VTI1A: variants seen among roughly 807,000 people sequenced by gnomAD.
VTI1A encodes the protein vesicle transport through interaction with t-SNAREs 1A.
A neutral mutation model predicts 34.9 loss-of-function variants in VTI1A; 22 were observed. The ratio of observed to expected loss-of-function variants is 0.63; its 90% CI spans 0.45 to 0.90. The LOEUF is 0.90. Ranked by LOEUF, VTI1A falls within the 40% of genes least tolerant of loss-of-function variation. VTI1A has a pLI of 0.00. For synonymous variants in VTI1A, 87 were observed against 97.3 expected (o/e 0.89, Z 0.62); for missense variants, 268 against 275.6 (o/e 0.97, Z 0.20).
At chr10:112,544,179 T>C (rs980300761) in intron 5 of VTI1A, among the ~76,000 whole-genome samples, 1 of 152,158 alleles carries the variant, frequency 6.6e-6, no homozygotes, top group African/African-American at 2.4e-5. Context: ...TTTGGTTCCA[T>C]ATGAACTTTA....
chr10:112,474,536 G>A (rs1222078975), intron 3 of VTI1A, among the ~76,000 whole-genome samples: 2 of 150,536 alleles, frequency 1.3e-5, no homozygotes, highest in African/African-American at 4.9e-5. Context: ...GATCACAGTA[G>A]CCTTGACCTC....
intron 7 of VTI1A, among the ~76,000 whole-genome samples, chr10:112,795,668 C>A (rs1005556830): frequency 6.6e-6 from 1 of 152,046 alleles, no homozygotes; most frequent in Admixed American, 6.6e-5. Context: ...AACTCCTGAC[C>A]TCAGGTGATC....
rs140964782 is a variant in VTI1A, at chr10:112,629,863, C to T, written c.428-38355C>T. ...CCTCATATGAGCCAAATCTCCTAAA[C>T]ATGCCATATGCCATTCATAAGTCTT... On this transcript the variant is annotated intron_variant, in intron 5 of 7. Transcript: ENST00000393077. Among the ~76,000 whole-genome samples the T allele has an allele frequency of 6.6e-5, 10 of 152,262 alleles. No individual in the cohort carries two copies. In the East Asian group the frequency reaches 1.9e-3, roughly 29 times the overall value.
intron 5 of VTI1A, among the ~76,000 whole-genome samples, chr10:112,568,651 C>T (rs979421390): frequency 3.9e-5 from 6 of 152,168 alleles, no homozygotes; most frequent in Non-Finnish European, 8.8e-5. Flanking sequence ...AATAAGATCC[C>T]CGTCTTATCC....
intron 7 of VTI1A, among the ~76,000 whole-genome samples, chr10:112,778,111 GA>G (rs138178912): frequency 0.026 from 3,876 of 148,650 alleles, 175 homozygotes; most frequent in African/African-American, 0.089. Context: ...TCAAAAAAAG[GA>G]AAAAAAAAAG....
At chr10:112,708,233 A>G (rs775639974) in intron 7 of VTI1A, among the ~76,000 whole-genome samples, 1 of 152,222 alleles carries the variant, frequency 6.6e-6, no homozygotes, top group Non-Finnish European at 1.5e-5. Flanking sequence ...CAGCATGTAT[A>G]TTACTGTAGG....
At chr10:112,740,118 A>C (rs1164821913) in intron 7 of VTI1A, among the ~76,000 whole-genome samples, 1 of 152,066 alleles carries the variant, frequency 6.6e-6, no homozygotes, top group Non-Finnish European at 1.5e-5. Context: ...TAAAGATAAG[A>C]CCTCAACCAT....
At chr10:112,526,989 C>T in intron 3 of VTI1A, 98 bp from the exon 4 acceptor site, 1 of 1,119,642 alleles carries the variant, frequency 8.9e-7, no homozygotes, top group Non-Finnish European at 1.3e-6. Context: ...CATTAGGGGG[C>T]TCTCGAGGTT....
intron 5 of VTI1A, among the ~76,000 whole-genome samples, chr10:112,625,128 GT>G (rs1212745771): frequency 2.0e-5 from 3 of 152,168 alleles, no homozygotes; most frequent in Non-Finnish European, 4.4e-5. Context: ...TTGTAATAAA[GT>G]AAGCGCTGAA....
Position 112,767,544 on chromosome 10 carries a change from C to G in VTI1A, c.561-47746C>G, listed in dbSNP as rs1346430422. Among the ~76,000 whole-genome samples, 1 of 152,140 alleles carries G rather than the reference C, an allele frequency of 6.6e-6. No homozygotes were observed. Among genetic ancestry groups the G allele is most frequent in the East Asian group, 1.9e-4 (1 of 5,188 alleles). On this transcript the variant is annotated intron_variant, in intron 7 of 7. Coordinates refer to ENST00000393077, the MANE Select transcript of VTI1A (RefSeq NM_145206.4). The surrounding 1 kb of genome is among the most constrained non-coding windows in gnomAD (Gnocchi z 4.0). ...AGTGTATTTGTGCTAGTTCTGAAAA[C>G]AGGAGGGCATAAACTAATAACAACA...
intron 3 of VTI1A, among the ~76,000 whole-genome samples, chr10:112,488,858 A>G (rs975129846): frequency 1.3e-5 from 2 of 152,234 alleles, no homozygotes; most frequent in African/African-American, 4.8e-5. Context: ...TAGAAACTAC[A>G]GTATTATATC....
At chr10:112,568,257 A>C (rs1342482857) in intron 5 of VTI1A, among the ~76,000 whole-genome samples, 1 of 152,224 alleles carries the variant, frequency 6.6e-6, no homozygotes, top group African/African-American at 2.4e-5. Context: ...CTGTAATCCC[A>C]GCACTTTGAG....
chr10:112,640,058 T>C (rs533683972), intron 5 of VTI1A, among the ~76,000 whole-genome samples: 1 of 152,308 alleles, frequency 6.6e-6, no homozygotes, highest in African/African-American at 2.4e-5. Flanking sequence ...CATTTGGAGT[T>C]AAAATAGAAA....
intron 3 of VTI1A, among the ~76,000 whole-genome samples, chr10:112,525,562 G>A (rs1224346699): frequency 6.6e-6 from 1 of 152,114 alleles, no homozygotes; most frequent in Non-Finnish European, 1.5e-5. Context: ...AAAAGCAAAG[G>A]AATGTCTAGG....
At chr10:112,718,945 C>A (rs774977703) in intron 7 of VTI1A, among the ~76,000 whole-genome samples, 1 of 152,176 alleles carries the variant, frequency 6.6e-6, no homozygotes, top group Admixed American at 6.5e-5. Flanking sequence ...AACCAGAATT[C>A]TAGGAAAATG....
intron 7 of VTI1A, among the ~76,000 whole-genome samples, chr10:112,776,802 C>T (rs980935772): frequency 1.3e-5 from 2 of 151,912 alleles, no homozygotes; most frequent in East Asian, 1.9e-4. Flanking sequence ...CTCAGCCTCC[C>T]GAGTAGCTGG....
intron 7 of VTI1A, among the ~76,000 whole-genome samples, chr10:112,705,247 G>C (rs75896618): frequency 0.018 from 2,710 of 152,032 alleles, 80 homozygotes; most frequent in African/African-American, 0.062. Flanking sequence ...AGATTCAGAG[G>C]GTTAGAATCA....
intron 7 of VTI1A, chr10:112,737,078 C>CT (rs903794612): frequency 0.046 from 13,502 of 295,814 alleles, 6 homozygotes; most frequent in South Asian, 0.069. Flanking sequence ...TTTTCTTTTT[C>CT]TTTTTTTTTT....
chr10:112,474,248 G>C (rs1848202164), intron 3 of VTI1A, among the ~76,000 whole-genome samples: 1 of 151,734 alleles, frequency 6.6e-6, no homozygotes, highest in Non-Finnish European at 1.5e-5. Flanking sequence ...TGTATTTTTA[G>C]TAGAGACGAG....
Sources: gnomAD v4.1 joint callset for allele counts (sites outside exome capture counted in the v4.1 genomes callset) on GRCh38, gnomAD v4.1.1 for gene constraint, Gnocchi (gnomAD v3.1) non-coding constraint, MANE v1.5 for transcripts, NCBI Gene and HGNC (gene_info 2026-07-23, HGNC 2026-07-21) for gene names.